COL2A1: variants seen among roughly 807,000 people sequenced by gnomAD.
The protein encoded by COL2A1 is collagen alpha-1(II) chain.
A neutral mutation model predicts 204.5 loss-of-function variants in COL2A1; 28 were observed. The ratio of observed to expected loss-of-function variants is 0.14; its 90% CI spans 0.10 to 0.19. The LOEUF (loss-of-function observed/expected upper bound fraction) is 0.19, where lower values mean the gene tolerates loss of function less well. COL2A1 is among the 10% of genes least tolerant of loss of function. The pLI is 1.00. For missense variants in COL2A1, 1,388 were observed against 2,027.5 expected (o/e 0.68, Z 6.06); for synonymous variants, 708 against 718.7 (o/e 0.99, Z 0.24).
In COL2A1 at chr12:47,976,163, C is replaced by T; in HGVS notation, c.3490-93G>A. 3.4e-6 allele frequency: 3 copies of T among 877,320 alleles called. No individual in the cohort carries two copies. The highest frequency in any genetic ancestry group is 5.9e-6 in the Non-Finnish European group (3 of 511,234). The allele number at this position is 877,320 out of a possible 1,614,324, so 54.3% of individuals were successfully genotyped here. On this transcript the variant is annotated intron_variant, in intron 49 of 53. Transcript: ENST00000380518. The surrounding 1 kb of genome is among the most constrained non-coding windows in gnomAD (Gnocchi z 4.3). ...GGGTAGGTGGCTGTCCTGATAGCACCAGCCACTCCGCCCCCAGTTCTTCAC... is the reference window on the plus strand; with the variant it reads ...GGGTAGGTGGCTGTCCTGATAGCACTAGCCACTCCGCCCCCAGTTCTTCAC...
intron 29 of COL2A1, 111 bp downstream of exon 29, chr12:47,983,976 G>A: frequency 9.3e-7 from 1 of 1,077,852 alleles, no homozygotes; most frequent in Non-Finnish European, 1.4e-6. Flanking sequence ...TGGTGTATCA[G>A]CTCAGCCCAC....
Position 47,985,599 on chromosome 12 carries a change from A to G in COL2A1, c.1681-12T>C. ...CGGCCAGTGAGACCCTTTGTTCAGG[A>G]GAGAGAAGAGGGTGGGGTCAGGAGC... On this transcript the variant is annotated splice_polypyrimidine_tract_variant and intron_variant, in intron 25 of 53. Coordinates refer to ENST00000380518, the MANE Select transcript of COL2A1 (RefSeq NM_001844.5). 1.2e-6 allele frequency: 2 copies of G among 1,613,902 alleles called. No homozygotes were observed. The highest frequency in any genetic ancestry group is 1.7e-6 in the Non-Finnish European group (2 of 1,179,982).
At chr12:47,998,285 G>T (rs1220804638) in intron 3 of COL2A1, 84 bp from the exon 4 acceptor site, 2 of 1,582,508 alleles carry the variant, frequency 1.3e-6, no homozygotes, top group African/African-American at 1.3e-5. Flanking sequence ...CCCCTGTGTT[G>T]AGGTACCCTC....
chr12:47,983,794 A>C, intron 29 of COL2A1, 58 bp from the exon 30 acceptor site: 1 of 1,534,934 alleles, frequency 6.5e-7, no homozygotes, highest in Admixed American at 2.0e-5. Flanking sequence ...TGAGAGCCAC[A>C]GCTAGTAGGG....
chr12:47,992,928 G>T lies in COL2A1; in HGVS notation c.973C>A (p.Pro325Thr). ...CCTCTTTCACCAGGCAGGCCACGAG[G>T]ACCCTGGAACACACACCAGGACAGC... is the stretch of plus-strand genomic sequence containing the variant. ...GENGSPGPMG[P>T]RGLPGERGRT... Residue 325 changes from proline to threonine, a missense_variant, in exon 16 of 54, where the codon CCT (proline) becomes ACT (threonine). Physicochemically the swap from Pro to Thr is conservative, Grantham distance 38. Around this residue, in one of 3 missense-constraint regions of COL2A1, gnomAD observed 884 missense variants for 1,415.8 expected, o/e 0.62. Coordinates refer to ENST00000380518, the MANE Select transcript of COL2A1 (RefSeq NM_001844.5). The T allele has an allele frequency of 1.2e-6, 2 of 1,614,172 alleles. No homozygotes were observed. The highest frequency in any genetic ancestry group is 1.7e-6 in the Non-Finnish European group (2 of 1,180,012).
At chr12:47,999,010 C>T (rs746720236) in intron 2 of COL2A1, among the ~76,000 whole-genome samples, 1 of 152,228 alleles carries the variant, frequency 6.6e-6, no homozygotes, top group Non-Finnish European at 1.5e-5. Flanking sequence ...ACACTTCACT[C>T]ACACGGGCCC....
chr12:47,980,876 T>C lies in COL2A1; in HGVS notation c.2517+39A>G. ...GAGGGTGCTGGATGTGGAACTGGCC[T>C]GAGTGGAGGGACCCAGGAGGATGGA... On this transcript the variant is annotated intron_variant, in intron 38 of 53. Coordinates refer to ENST00000380518, the MANE Select transcript of COL2A1 (RefSeq NM_001844.5). The surrounding 1 kb of genome is among the most constrained non-coding windows in gnomAD (Gnocchi z 4.5). 1 of 1,550,966 alleles carries C rather than the reference T, an allele frequency of 6.4e-7. No homozygotes were observed. The highest frequency in any genetic ancestry group is 8.7e-7 in the Non-Finnish European group (1 of 1,146,350).
chr12:47,998,058 C>T lies in COL2A1; in HGVS notation c.349G>A (p.Gly117Arg). 1 of 1,614,168 alleles carries T rather than the reference C, an allele frequency of 6.2e-7. No individual in the cohort carries two copies. Among genetic ancestry groups the T allele is most frequent in the Non-Finnish European group, 8.5e-7 (1 of 1,180,040 alleles). The change falls in exon 5 of 54, where the codon GGA (glycine) becomes AGA (arginine). Residue 117 changes from glycine to arginine, a missense_variant. This residue lies in a region of COL2A1 where 201 missense variants were observed against 242.4 expected (regional missense o/e 0.83). Transcript: ENST00000380518. ...TGAGGCCCAGGAGGTCCTTTGGGTC[C>T]TACAATCTGTGAGAGAGAGCCCCAC... is the stretch of plus-strand genomic sequence containing the variant. The part of the protein sequence containing the change: ...GEPGDIKDIV[G>R]PKGPPGPQGP...
Position 47,978,899 on chromosome 12 carries a change from C to T in COL2A1, c.2734-141G>A, listed in dbSNP as rs997056285. 2.4e-6 allele frequency: 2 copies of T among 822,806 alleles called. No homozygotes were observed. Among genetic ancestry groups the T allele is most frequent in the Non-Finnish European group, 4.0e-6 (2 of 503,866 alleles). 51.0% of individuals were successfully genotyped at this position (822,806 alleles called of 1,614,324 possible). A position where few individuals can be genotyped will look rare whatever the true frequency, so the allele number is the denominator to read the frequency against. ...CCACACTAAGGGCAGGCAGCTTAACCCCCCCAACCCCAATCTACCGCTGCA... is the reference window on the plus strand; with the variant it reads ...CCACACTAAGGGCAGGCAGCTTAACTCCCCCAACCCCAATCTACCGCTGCA... On this transcript the variant is annotated intron_variant, in intron 41 of 53. Coordinates refer to ENST00000380518, the MANE Select transcript of COL2A1 (RefSeq NM_001844.5). The surrounding 1 kb of genome is among the most constrained non-coding windows in gnomAD (Gnocchi z 5.5).
chr12:47,975,729 G>A (rs1592197126), intron 50 of COL2A1, 124 bp from the exon 51 acceptor site: 2 of 1,091,910 alleles, frequency 1.8e-6, no homozygotes, highest in East Asian at 2.5e-5. Context: ...CGGAGGTGTA[G>A]CAGGCGAGGA....
At chr12:47,991,377 C>T (rs1487052047) in intron 16 of COL2A1, among the ~76,000 whole-genome samples, 1 of 152,220 alleles carries the variant, frequency 6.6e-6, no homozygotes, top group Non-Finnish European at 1.5e-5. Context: ...GCCCAGTCTC[C>T]AGGCCAGCCT....
At chr12:47,979,944 A>C in intron 40 of COL2A1, 65 bp downstream of exon 40, 1 of 1,416,660 alleles carries the variant, frequency 7.1e-7, no homozygotes. Flanking sequence ...CACCCCCGCC[A>C]TGGGAGCCTC....
At position 47,998,776 on chromosome 12, in the gene COL2A1, C is replaced by G. The variant is rs569130177; in HGVS notation, c.293-345G>C. On this transcript the variant is annotated intron_variant, in intron 2 of 53. Transcript: ENST00000380518. ...GCACAGATTCAGTCTCTCTTCCCCC[C>G]ACAGGGTAGGGAGCCGTTCCCGAAC... 76 of 288,616 alleles carry G rather than the reference C, an allele frequency of 2.6e-4. 1 individual carries two copies. In the South Asian group the frequency reaches 3.8e-3, roughly 14 times the overall value. 17.9% of individuals were successfully genotyped at this position (288,616 alleles called of 1,614,324 possible).
intron 11 of COL2A1, 127 bp from the exon 12 acceptor site, chr12:47,994,604 C>A: frequency 3.3e-6 from 3 of 901,348 alleles, no homozygotes; most frequent in Admixed American, 2.0e-5. Flanking sequence ...TCTCCCTCAC[C>A]TCCTTCAGAC....
upstream of COL2A1, chr12:48,004,543 A>C: frequency 2.1e-6 from 1 of 481,592 alleles, no homozygotes; most frequent in Non-Finnish European, 3.7e-6. Flanking sequence ...AACTCGCCCA[A>C]ACCGCGGGCC....
rs749070060 is a variant in COL2A1 at position 47,998,067 on chromosome 12, G to A, written c.343-3C>T. ...GGAGGTCCTTTGGGTCCTACAATCT[G>A]TGAGAGAGAGCCCCACAGGATGGTA... On this transcript the variant is annotated splice_region_variant and splice_polypyrimidine_tract_variant and intron_variant, in intron 4 of 53. Transcript: ENST00000380518. 3.7e-6 allele frequency: 6 copies of A among 1,614,214 alleles called. No individual in the cohort carries two copies. The highest frequency in any genetic ancestry group is 4.2e-6 in the Non-Finnish European group (5 of 1,180,044).
rs369492641 is a variant in COL2A1, at chr12:47,978,750, A to G, written c.2742T>C (p.Pro914=). 74 of 1,612,820 alleles carry G rather than the reference A, an allele frequency of 4.6e-5. No homozygotes were observed. The highest frequency in any genetic ancestry group is 5.9e-5 in the Non-Finnish European group (70 of 1,179,960). Residue 914 remains proline, a synonymous_variant, in exon 42 of 54, where the codon CCT becomes CCC. Coordinates refer to ENST00000380518, the MANE Select transcript of COL2A1 (RefSeq NM_001844.5). This position sits in a 1 kb window ranked among gnomAD's most constrained non-coding sequence, Gnocchi z 5.5. ...AAGGACCAGGGGGACCAGGGGGTCC[A>G]GGGTTGCCCTAGAAGGAGAAAATGC... is the stretch of plus-strand genomic sequence containing the variant. ...RVGPPGSNGN[P]GPPGPPGPSG...
At chr12:47,986,555 G>T (rs1220417589) in intron 22 of COL2A1, 112 bp from the exon 23 acceptor site, 4 of 766,168 alleles carry the variant, frequency 5.2e-6, no homozygotes, top group South Asian at 4.7e-5. Context: ...GGCTGGGGGG[G>T]GGCTTGAGGA....
In COL2A1 at chr12:48,001,705, C is replaced by T. The variant is rs541623418; in HGVS notation, c.86-1580G>A. On this transcript the variant is annotated intron_variant, in intron 1 of 53. Transcript: ENST00000380518. ...TCTGTGGCTGCGGCTCTGGACACGG[C>T]TCGCTCACAGACACCGGGAGAGTGA... 2.2e-4 allele frequency among the ~76,000 whole-genome samples: 33 copies of T among 152,318 alleles called. 1 individual carries two copies. Among genetic ancestry groups the T allele is most frequent in the Admixed American group, 1.3e-3 (20 of 15,310 alleles).
Sources: gnomAD v4.1 joint callset for allele counts (sites outside exome capture counted in the v4.1 genomes callset) on GRCh38, gnomAD v4.1.1 for gene constraint, gnomAD v4.1.1 regional missense constraint, Gnocchi (gnomAD v3.1) non-coding constraint, MANE v1.5 for transcripts, NCBI Gene and HGNC (gene_info 2026-07-23, HGNC 2026-07-21) for gene names.